Variants in RPS6KA5 observed in about 807,000 individuals in gnomAD.
RPS6KA5 encodes the protein ribosomal protein S6 kinase A5.
RPS6KA5 carries 27 observed loss-of-function variants against 85.5 expected under a neutral mutation model. The ratio of observed to expected loss-of-function variants is 0.32; its 90% CI spans 0.23 to 0.44. The LOEUF is 0.44. RPS6KA5 is among the 20% of genes least tolerant of loss of function. RPS6KA5 has a pLI of 1.00. For missense variants in RPS6KA5, 811 were observed against 980.9 expected (o/e 0.83, Z 2.31); for synonymous variants, 334 against 348.2 (o/e 0.96, Z 0.46).
At chr14:91,019,339 T>C (rs1192343615) in intron 1 of RPS6KA5, among the ~76,000 whole-genome samples, 1 of 152,046 alleles carries the variant, frequency 6.6e-6, no homozygotes, top group African/African-American at 2.4e-5. Context: ...TGTGGGTGAG[T>C]GTCATCCAAT....
chr14:91,008,208 A>G, intron 1 of RPS6KA5, among the ~76,000 whole-genome samples: 1 of 152,234 alleles, frequency 6.6e-6, no homozygotes, highest in East Asian at 1.9e-4. Flanking sequence ...CCAATGATTC[A>G]CTTATGTTAA....
chr14:91,006,927 G>GATA (rs1566856164), intron 1 of RPS6KA5, among the ~76,000 whole-genome samples: 1 of 152,146 alleles, frequency 6.6e-6, no homozygotes, highest in Admixed American at 6.5e-5. Context: ...ATAATTAGAT[G>GATA]TAGTTGGAAG....
chr14:91,026,829 G>A (rs2042007474), intron 1 of RPS6KA5, among the ~76,000 whole-genome samples: 1 of 152,158 alleles, frequency 6.6e-6, no homozygotes, highest in Non-Finnish European at 1.5e-5. Context: ...ATTCTGACTG[G>A]TGTGAGATGG....
intron 7 of RPS6KA5, among the ~76,000 whole-genome samples, chr14:90,910,691 T>TA (rs1566729217): frequency 6.4e-4 from 95 of 148,110 alleles, no homozygotes; most frequent in Non-Finnish European, 5.3e-4. Flanking sequence ...TATTATTTTT[T>TA]TTTTTTTTTT....
chr14:90,960,277 C>T (rs779909932), intron 3 of RPS6KA5, among the ~76,000 whole-genome samples: 1 of 151,942 alleles, frequency 6.6e-6, no homozygotes, highest in Non-Finnish European at 1.5e-5. Context: ...GGATAGGGCT[C>T]GGGCATGCCC....
In RPS6KA5 at chr14:90,900,211, C is replaced by A. The variant is rs1320680307; in HGVS notation, c.1276G>T (p.Asp426Tyr). 3.1e-6 allele frequency: 5 copies of A among 1,603,712 alleles called. No homozygotes were observed. In the African/African-American group the frequency reaches 4.0e-5, roughly 13 times the overall value. The change falls in exon 11 of 17, where the codon GAT becomes TAT. Residue 426 changes from aspartate to tyrosine, a missense_variant. This residue lies in a region of RPS6KA5 where 650 missense variants were observed against 793.4 expected (regional missense o/e 0.82). Transcript: ENST00000614987. ...DSPFYQHYDLDLKDKPLGEGS... is the reference protein window; with the variant it reads ...DSPFYQHYDLYLKDKPLGEGS... ...TCTCCCAGGGGTTTGTCCTTCAAAT[C>A]TAGGTCATAGTGTTGATAGAATGGA... is the stretch of plus-strand genomic sequence containing the variant.
rs928250468 is a variant in RPS6KA5 at position 91,023,767 on chromosome 14, A to G, written c.104-22608T>C. On this transcript the variant is annotated intron_variant, in intron 1 of 16. Coordinates refer to ENST00000614987, the MANE Select transcript of RPS6KA5 (RefSeq NM_004755.4). ...CCAACCTAACTATCCTTCCGTTTAT[A>G]ATTTATTTTATCTTTTTGCCTAAAG... is the stretch of plus-strand genomic sequence containing the variant. 3.2e-4 allele frequency among the ~76,000 whole-genome samples: 35 copies of G among 107,908 alleles called. 1 individual carries two copies. The highest frequency in any genetic ancestry group is 7.0e-4 in the Non-Finnish European group (34 of 48,368). The allele number at this position is 107,908 out of a possible 152,430, so 70.8% of individuals were successfully genotyped here.
chr14:90,894,645 A>C, intron 12 of RPS6KA5, 62 bp from the exon 13 acceptor site: 1 of 1,546,428 alleles, frequency 6.5e-7, no homozygotes, highest in Non-Finnish European at 8.8e-7. Context: ...ATTAACATAT[A>C]AAACATTTAT....
At chr14:90,901,680 C>T (rs537617139) in intron 9 of RPS6KA5, among the ~76,000 whole-genome samples, 4 of 152,212 alleles carry the variant, frequency 2.6e-5, no homozygotes, top group East Asian at 3.9e-4. Context: ...GAAAAGACAC[C>T]GTCTGGATGG....
Position 91,030,611 on chromosome 14 carries a change from G to GAAAAAAAAAAAAA in RPS6KA5, c.104-29465_104-29453dup, listed in dbSNP as rs58737573. 1.4e-4 allele frequency among the ~76,000 whole-genome samples: 3 copies of GAAAAAAAAAAAAA among 22,068 alleles called. 1 individual carries two copies. The highest frequency in any genetic ancestry group is 9.1e-5 in the Non-Finnish European group (1 of 11,030). The allele number at this position is 22,068 out of a possible 152,430, so 14.5% of individuals were successfully genotyped here. A position where few individuals can be genotyped will look rare whatever the true frequency, so the allele number is the denominator to read the frequency against. On this transcript the variant is annotated intron_variant, in intron 1 of 16. Coordinates refer to ENST00000614987, the MANE Select transcript of RPS6KA5 (RefSeq NM_004755.4). ...AACATGCAAGACACCAAAATAAACA[G>GAAAAAAAAAAAAA]AAAAAAAAAAAAAAAAAAAAAAAAA...
intron 14 of RPS6KA5, among the ~76,000 whole-genome samples, chr14:90,875,612 T>C (rs1219907491): frequency 6.6e-6 from 1 of 152,078 alleles, no homozygotes; most frequent in South Asian, 2.1e-4. Flanking sequence ...CGTATGTTTA[T>C]TGCGGCACTA....
At chr14:90,963,471 TTA>T in intron 3 of RPS6KA5, among the ~76,000 whole-genome samples, 1 of 152,222 alleles carries the variant, frequency 6.6e-6, no homozygotes, top group Non-Finnish European at 1.5e-5. Flanking sequence ...CCCACTCATT[TTA>T]GCATCAAGTG....
chr14:91,035,867 AAAAAAAAAAAAAAAC>A (rs1487295788), intron 1 of RPS6KA5, among the ~76,000 whole-genome samples: 54 of 147,446 alleles, frequency 3.7e-4, no homozygotes, highest in African/African-American at 1.1e-3. Context: ...AAAAAAAAAA[AAAAAAAAAAAAAAAC>A]CCCAAAGCTG....
In RPS6KA5 at chr14:91,060,441, C is replaced by CT; in HGVS notation, c.-8dup. On this transcript the variant is annotated 5_prime_UTR_variant, in exon 1 of 17. Transcript: ENST00000614987. ...TGCCACCCTCCTCCTCCATCTTCTC[C>CT]TTTTTTTCCGATCCCGCGGGTCGCT... 1.1e-5 allele frequency: 16 copies of CT among 1,462,810 alleles called. No individual in the cohort carries two copies. The highest frequency in any genetic ancestry group is 4.2e-5 in the South Asian group (3 of 71,618). The allele number at this position is 1,462,810 out of a possible 1,614,324, so 90.6% of individuals were successfully genotyped here. A position where few individuals can be genotyped will look rare whatever the true frequency, so the allele number is the denominator to read the frequency against.
intron 1 of RPS6KA5, among the ~76,000 whole-genome samples, chr14:91,005,837 A>G (rs2040994928): frequency 6.6e-6 from 1 of 152,172 alleles, no homozygotes; most frequent in Admixed American, 6.5e-5. Context: ...ATTTCACCCT[A>G]CAGGTGAAAT....
chr14:91,046,185 A>G (rs1248432102), intron 1 of RPS6KA5, among the ~76,000 whole-genome samples: 1 of 152,176 alleles, frequency 6.6e-6, no homozygotes, highest in Non-Finnish European at 1.5e-5. Flanking sequence ...GGTATTATAC[A>G]ATAAGCGTGG....
At chr14:91,021,694 T>C (rs534909092) in intron 1 of RPS6KA5, among the ~76,000 whole-genome samples, 1 of 152,320 alleles carries the variant, frequency 6.6e-6, no homozygotes, top group South Asian at 2.1e-4. Flanking sequence ...ATTACAGGCA[T>C]GAGCCACCAC....
chr14:90,950,978 G>A (rs1035961237), intron 3 of RPS6KA5, among the ~76,000 whole-genome samples: 1 of 151,804 alleles, frequency 6.6e-6, no homozygotes, highest in Non-Finnish European at 1.5e-5. Context: ...AAATTAGCCA[G>A]GCGTGGTGGT....
intron 11 of RPS6KA5, 128 bp downstream of exon 11, chr14:90,899,980 C>T (rs2035072445): frequency 1.6e-6 from 1 of 642,914 alleles, no homozygotes; most frequent in Non-Finnish European, 2.3e-6. Flanking sequence ...AACTGATGAG[C>T]CAAGTGGTTA....
Sources: allele counts gnomAD v4.1 joint callset (sites outside exome capture counted in the v4.1 genomes callset), GRCh38; gene constraint gnomAD v4.1.1; regional missense constraint gnomAD v4.1.1; transcripts MANE v1.5; gene names NCBI Gene and HGNC (gene_info 2026-07-23, HGNC 2026-07-21).